Variants in NR0B2 observed in about 807,000 individuals in gnomAD.
NR0B2 encodes nuclear receptor SHP.
Under a neutral mutation model 18.9 loss-of-function variants are expected in NR0B2, and 17 were observed. The observed-to-expected ratio is 0.90, with a 90% confidence interval of 0.62 to 1.35. The LOEUF (loss-of-function observed/expected upper bound fraction) is 1.35, where lower values mean the gene tolerates loss of function less well. NR0B2 is among the 40% of genes most tolerant of loss of function. NR0B2 has a pLI of 0.00. For missense variants in NR0B2, 312 were observed against 333.3 expected (o/e 0.94, Z 0.50); for synonymous variants, 116 against 138.5 (o/e 0.84, Z 1.14).
Position 26,913,658 on chromosome 1 carries a change from G to A in NR0B2, c.283C>T (p.Leu95Phe). Residue 95 changes from leucine to phenylalanine, a missense_variant, in exon 1 of 2, where the codon CTC becomes TTC. By Grantham distance (22) the Leu-to-Phe change is conservative. Transcript: ENST00000254227. ...TCTTGGGCCAACCCAAGCAGGAAGA[G>A]GGGGCCCCAGCAACCCTGCAGCAGC... ...RRLLQGCWGP[L>F]FLLGLAQDAV... 6.2e-7 allele frequency: 1 copy of A among 1,613,834 alleles called. No individual in the cohort carries two copies. The highest frequency in any genetic ancestry group is 8.5e-7 in the Non-Finnish European group (1 of 1,179,920).
Position 26,911,852 on chromosome 1 carries a change from A to G in NR0B2, c.767T>C (p.Leu256Pro). The G allele has an allele frequency of 6.2e-7, 1 of 1,614,156 alleles. No individual in the cohort carries two copies. The highest frequency in any genetic ancestry group is 8.5e-7 in the Non-Finnish European group (1 of 1,180,028). ...TGCCTGGGCTGGAACAGGTCACCTG[A>G]GCAAAAGCATGTCCCCAAGAAGGCC... ...IAGLLGDMLL[L>P]R Residue 256 changes from leucine to proline, a missense_variant, in exon 2 of 2, where the codon CTC becomes CCC. By Grantham distance (98) the Leu-to-Pro change is moderately conservative. Transcript: ENST00000254227.
chr1:26,913,517 A>T lies in NR0B2; in HGVS notation c.424T>A (p.Ser142Thr). The T allele has an allele frequency of 6.2e-7, 1 of 1,613,262 alleles. No individual in the cohort carries two copies. ...TGAAGCCACTGCACCGCAGCCAGGG[A>T]GGGCTGGGGTCTGTCTGGCAGTTGG... is the stretch of plus-strand genomic sequence containing the variant. The part of the protein sequence containing the change: ...SGQLPDRPQP[S>T]LAAVQWLQCC... Residue 142 changes from serine to threonine, a missense_variant, in exon 1 of 2, where the codon TCC (serine) becomes ACC (threonine). Ser to Thr is a moderately conservative substitution (Grantham distance 58). Transcript: ENST00000254227.
chr1:26,911,896 A>G lies in NR0B2; in HGVS notation c.723T>C (p.Ile241=). Residue 241 remains isoleucine (I), a synonymous_variant, in exon 2 of 2, where the codon ATT becomes ATC. Transcript: ENST00000254227. ...LLGDLFFRPI[I]GDVDIAGLLG... ...GAAGGCCAGCGATGTCAACATCTCC[A>G]ATGATAGGGCGAAAGAAGAGGTCCC... 6.2e-7 allele frequency: 1 copy of G among 1,614,062 alleles called. No individual in the cohort carries two copies. Among genetic ancestry groups the G allele is most frequent in the Non-Finnish European group, 8.5e-7 (1 of 1,179,926 alleles).
In NR0B2 at chr1:26,913,622, AG is replaced by A; in HGVS notation, c.318del (p.Phe107LeufsTer63). ...FLLGLAQDAV[T>X]FEVAEAPVPS... ...GGCACCGGGGCCTCAGCCACCTCAA[AG>A]GTCACAGCATCTTGGGCCAACCCAA... is the stretch of plus-strand genomic sequence containing the variant. On this transcript the variant is annotated frameshift_variant, in exon 1 of 2. Transcript: ENST00000254227. LOFTEE classifies it high-confidence loss of function. 6.2e-7 allele frequency: 1 copy of A among 1,614,010 alleles called. No individual in the cohort carries two copies.
At position 26,912,006 on chromosome 1, in the gene NR0B2, G is replaced by C. The variant is rs374687917; in HGVS notation, c.613C>G (p.Pro205Ala). The change falls in exon 2 of 2, where the codon CCC (proline) becomes GCC (alanine). Residue 205 changes from proline to alanine, a missense_variant. Transcript: ENST00000254227. ...AHWVLCEVLE[P>A]WCPAAQGRLT... is the part of the protein sequence containing the mutation. ...CGGCCTTGGGCTGCTGGGCACCAGG[G>C]TTCCAGGACTTCACACAGCACCCAG... The C allele has an allele frequency of 2.5e-6, 4 of 1,614,238 alleles. No homozygotes were observed. Among genetic ancestry groups the C allele is most frequent in the Admixed American group, 1.7e-5 (1 of 60,022 alleles).
rs980708567 is a variant in NR0B2, at chr1:26,911,959, C to T, written c.660G>A (p.Thr220=). 6.2e-6 allele frequency: 10 copies of T among 1,614,162 alleles called. No individual in the cohort carries two copies. In the South Asian group the frequency reaches 6.6e-5, roughly 11 times the overall value. Residue 220 remains threonine, a synonymous_variant, in exon 2 of 2, where the codon ACG becomes ACA. Coordinates refer to ENST00000254227, the MANE Select transcript of NR0B2 (RefSeq NM_021969.3). ...TCGGAATGGACTTGAGGGTGGAGGC[C>T]GTGAGGAGGACACGGGTCAGGCGGC... ...AQGRLTRVLL[T]ASTLKSIPTS...
chr1:26,911,542 A>AGTTCT lies in NR0B2; in HGVS notation c.*302_*303insAGAAC, dbSNP rs2082026436. On this transcript the variant is annotated 3_prime_UTR_variant, in exon 2 of 2. Transcript: ENST00000254227. Reference sequence around the variant, plus strand: ...AATAACTTAATTCAGTTCTGTATAAAGTCGATAGGACTTCTGGTCCAATAA... The same window carrying AGTTCT: ...AATAACTTAATTCAGTTCTGTATAAAGTTCTGTCGATAGGACTTCTGGTCCAATAA... 12 of 422,368 alleles carry AGTTCT rather than the reference A, an allele frequency of 2.8e-5. No individual in the cohort carries two copies. The highest frequency in any genetic ancestry group is 5.3e-5 in the Non-Finnish European group (12 of 224,430). 26.2% of individuals were successfully genotyped at this position (422,368 alleles called of 1,614,324 possible). A position where few individuals can be genotyped will look rare whatever the true frequency, so the allele number is the denominator to read the frequency against.
At chr1:26,912,508 T>G (rs2082034558) in intron 1 of NR0B2, among the ~76,000 whole-genome samples, 1 of 152,148 alleles carries the variant, frequency 6.6e-6, no homozygotes. Context: ...GCCTAACATA[T>G]GGTAAGTGTG....
intron 1 of NR0B2, 41 bp downstream of exon 1, chr1:26,913,368 C>T: frequency 6.2e-7 from 1 of 1,601,698 alleles, no homozygotes; most frequent in Non-Finnish European, 8.6e-7. Flanking sequence ...CTGGCCCCTG[C>T]TTCAGCCTTG....
intron 1 of NR0B2, 67 bp downstream of exon 1, chr1:26,913,342 A>T: frequency 2.8e-6 from 4 of 1,434,496 alleles, no homozygotes; most frequent in Non-Finnish European, 3.9e-6. Flanking sequence ...AAACCCTTAG[A>T]AGCTACCTTC....
intron 1 of NR0B2, 136 bp downstream of exon 1, chr1:26,913,269 AGAGT>A: frequency 1.3e-6 from 1 of 792,912 alleles, no homozygotes; most frequent in Non-Finnish European, 2.1e-6. Flanking sequence ...ACTGGGTGAC[AGAGT>A]GAGACTCTGT....
At position 26,912,021 on chromosome 1, in the gene NR0B2, A is replaced by C; in HGVS notation, c.598T>G (p.Cys200Gly). ...HLQQEAHWVL[C>G]EVLEPWCPAA... ...GGGCACCAGGGTTCCAGGACTTCAC[A>C]CAGCACCCAGTGAGCCTCCTGCTGC... Residue 200 changes from cysteine (C) to glycine (G), a missense_variant, in exon 2 of 2, where the codon TGT (cysteine) becomes GGT (glycine). By Grantham distance (159) the Cys-to-Gly change is radical (BLOSUM62 -3). Transcript: ENST00000254227. 6.2e-7 allele frequency: 1 copy of C among 1,614,190 alleles called. No individual in the cohort carries two copies. The highest frequency in any genetic ancestry group is 8.5e-7 in the Non-Finnish European group (1 of 1,180,026).
At chr1:26,912,793 C>T (rs1367846383) in intron 1 of NR0B2, among the ~76,000 whole-genome samples, 1 of 152,208 alleles carries the variant, frequency 6.6e-6, no homozygotes, top group African/African-American at 2.4e-5. Flanking sequence ...GACTGAGACA[C>T]AGCTGTGTCT....
At chr1:26,913,379 C>T in intron 1 of NR0B2, 30 bp downstream of exon 1, 3 of 1,609,616 alleles carry the variant, frequency 1.9e-6, no homozygotes, top group East Asian at 2.2e-5. Context: ...TTCAGCCTTG[C>T]CCCCCACCCA....
chr1:26,911,823 T>G lies in NR0B2; in HGVS notation c.*22A>C, dbSNP rs776457725. 6.2e-7 allele frequency: 1 copy of G among 1,614,078 alleles called. No individual in the cohort carries two copies. The highest frequency in any genetic ancestry group is 8.5e-7 in the Non-Finnish European group (1 of 1,180,006). On this transcript the variant is annotated 3_prime_UTR_variant, in exon 2 of 2. Transcript: ENST00000254227. ...GCACTGCCAGCCTCTGCCCACCTGA[T>G]CTCTGCCTGGGCTGGAACAGGTCAC...
chr1:26,911,884 G>A lies in NR0B2; in HGVS notation c.735C>T (p.Asp245=), dbSNP rs1385776109. ...GCATGTCCCCAAGAAGGCCAGCGAT[G>A]TCAACATCTCCAATGATAGGGCGAA... The part of the protein sequence containing the change: ...LFFRPIIGDV[D]IAGLLGDMLL... Residue 245 remains aspartate (D), a synonymous_variant, in exon 2 of 2, where the codon GAC becomes GAT. Transcript: ENST00000254227. 1 of 1,614,166 alleles carries A rather than the reference G, an allele frequency of 6.2e-7. No homozygotes were observed.
rs772627400 is a variant in NR0B2, at chr1:26,912,047, A to G, written c.572T>C (p.Leu191Pro). 6 of 1,614,112 alleles carry G rather than the reference A, an allele frequency of 3.7e-6. No individual in the cohort carries two copies. In the South Asian group the frequency reaches 5.5e-5, roughly 15 times the overall value. ...CAGCACCCAGTGAGCCTCCTGCTGC[A>G]GGTGCCCAATGTGGGAGGCGGCTTG... ...GLQAASHIGH[L>P]QQEAHWVLCE... Residue 191 changes from leucine to proline, a missense_variant, in exon 2 of 2, where the codon CTG becomes CCG. Coordinates refer to ENST00000254227, the MANE Select transcript of NR0B2 (RefSeq NM_021969.3).
rs758240815 is a variant in NR0B2, at chr1:26,913,648, A to AGT, written c.292_293insAC (p.Leu98HisfsTer9). ...GGTCACAGCATCTTGGGCCAACCCA[A>AGT]GCAGGAAGAGGGGGCCCCAGCAACC... On this transcript the variant is annotated frameshift_variant, in exon 1 of 2. Transcript: ENST00000254227. LOFTEE classifies it high-confidence loss of function. The AGT allele has an allele frequency of 1.9e-6, 3 of 1,613,622 alleles. No individual in the cohort carries two copies. The East Asian group carries it at 6.7e-5, about 36-fold the overall frequency.
chr1:26,911,697 G>T lies in NR0B2; in HGVS notation c.*148C>A. ...ACCAAGGAAGTCCAATGTGGGGTGTGGCTGAGTGAAGAGCTGTTCCTAAGG... is the reference window on the plus strand; with the variant it reads ...ACCAAGGAAGTCCAATGTGGGGTGTTGCTGAGTGAAGAGCTGTTCCTAAGG... On this transcript the variant is annotated 3_prime_UTR_variant, in exon 2 of 2. Transcript: ENST00000254227. 2 of 905,350 alleles carry T rather than the reference G, an allele frequency of 2.2e-6. No homozygotes were observed. The highest frequency in any genetic ancestry group is 3.5e-6 in the Non-Finnish European group (2 of 564,674). The allele number at this position is 905,350 out of a possible 1,614,324, so 56.1% of individuals were successfully genotyped here.
Sources: allele counts gnomAD v4.1 joint callset (sites outside exome capture counted in the v4.1 genomes callset), GRCh38; gene constraint gnomAD v4.1.1; transcripts MANE v1.5; gene names NCBI Gene and HGNC (gene_info 2026-07-23, HGNC 2026-07-21).